Variants in SLC16A9 observed in about 807,000 individuals in gnomAD.
SLC16A9 encodes solute carrier family 16 member 9, also known as monocarboxylate transporter 9.
In SLC16A9, 26 loss-of-function variants were observed where a neutral mutation model predicts 44.3. That is an observed-to-expected ratio of 0.59 (90% CI 0.43 to 0.81). The LOEUF (loss-of-function observed/expected upper bound fraction) is 0.81. SLC16A9 is among the 40% of genes least tolerant of loss of function. The pLI is 0.00. For missense variants in SLC16A9, 559 were observed against 595.8 expected (o/e 0.94, Z 0.64); for synonymous variants, 230 against 225.1 (o/e 1.02, Z -0.19).
intron 2 of SLC16A9, among the ~76,000 whole-genome samples, chr10:59,675,767 G>C (rs999912295): frequency 6.6e-6 from 1 of 152,200 alleles, no homozygotes; most frequent in African/African-American, 2.4e-5. Flanking sequence ...CTATGCAGCA[G>C]TTGAGCAACA....
At position 59,654,146 on chromosome 10, in the gene SLC16A9, A is replaced by G. The variant is rs1309824806; in HGVS notation, c.880T>C (p.Cys294Arg). The change falls in exon 5 of 6, where the codon TGT becomes CGT. Residue 294 changes from cysteine (C) to arginine (R), a missense_variant. Physicochemically the swap from Cys to Arg is radical, Grantham distance 180. Transcript: ENST00000395348. ...TTAAAAAGAGCCACAGTTTCACCAC[A>G]GTAGTTTTTATATAACTGCCACTTC... The part of the protein sequence containing the change: ...KRKWQLYKNY[C>R]GETVALFKNK... 3.7e-6 allele frequency: 6 copies of G among 1,614,046 alleles called. No individual in the cohort carries two copies. The highest frequency in any genetic ancestry group is 1.3e-5 in the African/African-American group (1 of 74,930).
intron 1 of SLC16A9, among the ~76,000 whole-genome samples, chr10:59,704,373 A>G (rs988568147): frequency 1.3e-5 from 2 of 152,056 alleles, no homozygotes; most frequent in African/African-American, 4.8e-5. Flanking sequence ...GCCACCACTT[A>G]TCTTATTCAA....
chr10:59,686,791 TA>T (rs149443357), intron 1 of SLC16A9, among the ~76,000 whole-genome samples: 1 of 152,196 alleles, frequency 6.6e-6, no homozygotes, highest in African/African-American at 2.4e-5. Context: ...TTTCCTTTTT[TA>T]TAAAATCAAA....
intron 1 of SLC16A9, among the ~76,000 whole-genome samples, chr10:59,696,676 C>T (rs1281918682): frequency 1.3e-5 from 2 of 151,042 alleles, no homozygotes; most frequent in African/African-American, 4.9e-5. Flanking sequence ...TCTGCCCGGC[C>T]GCCCATCATC....
At chr10:59,707,632 A>G (rs1840676321) in intron 1 of SLC16A9, among the ~76,000 whole-genome samples, 1 of 151,818 alleles carries the variant, frequency 6.6e-6, no homozygotes, top group South Asian at 2.1e-4. Flanking sequence ...TAATACATAT[A>G]GGTTAATTAT....
intron 3 of SLC16A9, among the ~76,000 whole-genome samples, chr10:59,665,488 T>A (rs903494196): frequency 6.6e-6 from 1 of 152,162 alleles, no homozygotes; most frequent in African/African-American, 2.4e-5. Flanking sequence ...ATTAATGAAA[T>A]GAGAGAGATT....
intron 3 of SLC16A9, among the ~76,000 whole-genome samples, chr10:59,665,398 A>G (rs1319060141): frequency 1.3e-5 from 2 of 152,238 alleles, no homozygotes; most frequent in African/African-American, 4.8e-5. Flanking sequence ...GAGTTTAACA[A>G]ATACACTGCA....
At chr10:59,694,216 G>C (rs1286683949) in intron 1 of SLC16A9, among the ~76,000 whole-genome samples, 1 of 152,148 alleles carries the variant, frequency 6.6e-6, no homozygotes, top group African/African-American at 2.4e-5. Context: ...TGGGATTATA[G>C]GCGTGAGCCA....
chr10:59,700,796 C>A (rs61863104), intron 1 of SLC16A9, among the ~76,000 whole-genome samples: 12,348 of 152,206 alleles, frequency 0.081, 580 homozygotes, highest in East Asian at 0.19. Flanking sequence ...TTCACTATGG[C>A]ATTCCCTGCA....
chr10:59,698,732 C>CTT (rs1020298939), intron 1 of SLC16A9, among the ~76,000 whole-genome samples: 1 of 144,584 alleles, frequency 6.9e-6, no homozygotes, highest in Non-Finnish European at 1.5e-5. Flanking sequence ...CTTTGTCTCT[C>CTT]TTTTTTTTTT....
intron 2 of SLC16A9, among the ~76,000 whole-genome samples, chr10:59,677,269 AT>A (rs1003883397): frequency 6.6e-6 from 1 of 151,880 alleles, no homozygotes; most frequent in African/African-American, 2.4e-5. Context: ...AAAAAAAAAA[AT>A]TATAGAGACA....
intron 1 of SLC16A9, among the ~76,000 whole-genome samples, chr10:59,685,982 T>C (rs4142772): frequency 0.7 from 101,317 of 145,714 alleles, 35,304 homozygotes; most frequent in South Asian, 0.81. Flanking sequence ...TCTTTCTTTT[T>C]TTTTTTTTTT....
intron 1 of SLC16A9, among the ~76,000 whole-genome samples, chr10:59,690,945 C>T (rs1271977359): frequency 6.6e-6 from 1 of 152,066 alleles, no homozygotes; most frequent in Non-Finnish European, 1.5e-5. Context: ...ATTATCTGGG[C>T]ATGGTGGCAC....
intron 1 of SLC16A9, among the ~76,000 whole-genome samples, chr10:59,701,172 C>A (rs751112654): frequency 6.6e-6 from 1 of 152,198 alleles, no homozygotes; most frequent in Non-Finnish European, 1.5e-5. Flanking sequence ...CACTTCATTG[C>A]ATTCCAGCTC....
At chr10:59,671,695 A>T (rs1333139319) in intron 3 of SLC16A9, among the ~76,000 whole-genome samples, 1 of 152,230 alleles carries the variant, frequency 6.6e-6, no homozygotes, top group East Asian at 1.9e-4. Flanking sequence ...TAACTCCACC[A>T]TCAGCGACAA....
chr10:59,681,690 GTATATA>G (rs756321876), intron 2 of SLC16A9, among the ~76,000 whole-genome samples: 2,284 of 17,526 alleles, frequency 0.13, 978 homozygotes, highest in East Asian at 0.7. Flanking sequence ...ATATGTATAT[GTATATA>G]TATATGTATA....
chr10:59,661,789 A>G (rs539398395), intron 4 of SLC16A9, among the ~76,000 whole-genome samples: 79 of 151,462 alleles, frequency 5.2e-4, no homozygotes, highest in Middle Eastern at 6.8e-3. Context: ...AAACAGAGAT[A>G]TAGACCAATA....
chr10:59,691,181 C>A (rs570742340), intron 1 of SLC16A9, among the ~76,000 whole-genome samples: 150 of 152,300 alleles, frequency 9.8e-4, no homozygotes, highest in Non-Finnish European at 1.8e-3. Flanking sequence ...ATACATTCAA[C>A]GTTTTGGAGT....
chr10:59,699,959 C>T (rs1046446727), intron 1 of SLC16A9, among the ~76,000 whole-genome samples: 3 of 151,772 alleles, frequency 2.0e-5, no homozygotes, highest in East Asian at 1.9e-4. Context: ...TACCACATCT[C>T]TCCCCCCACC....
Sources: gnomAD v4.1 joint callset for allele counts (sites outside exome capture counted in the v4.1 genomes callset) on GRCh38, gnomAD v4.1.1 for gene constraint, MANE v1.5 for transcripts, NCBI Gene and HGNC (gene_info 2026-07-23, HGNC 2026-07-21) for gene names.